The following OPHN1 variants were observed in gnomAD, a reference collection of about 807,000 sequenced individuals.
The protein encoded by OPHN1 is oligophrenin-1.
A neutral mutation model predicts 60.7 loss-of-function variants in OPHN1; 11 were observed. The ratio of observed to expected loss-of-function variants is 0.18; its 90% CI spans 0.11 to 0.30. The LOEUF is 0.30. Ranked by LOEUF, OPHN1 falls within the 10% of genes least tolerant of loss-of-function variation. The pLI is 1.00. For missense variants in OPHN1, 449 were observed against 611.0 expected (o/e 0.73, Z 2.80); for synonymous variants, 226 against 222.6 (o/e 1.02, Z -0.14).
intron 2 of OPHN1, among the ~76,000 whole-genome samples, chrX:68,312,609 A>G (rs999030180): frequency 7.2e-5 from 8 of 111,055 alleles, no homozygotes; most frequent in African/African-American, 2.6e-4. Flanking sequence ...TTACACCTTA[A>G]GAAACTTGAA....
At chrX:68,073,512 C>G (rs1241817772) in intron 19 of OPHN1, among the ~76,000 whole-genome samples, 1 of 111,975 alleles carries the variant, frequency 8.9e-6, no homozygotes, top group African/African-American at 3.3e-5. Context: ...GAACCTGGCA[C>G]TTCTCAGTTT....
rs764379619 is a variant in OPHN1 at position 68,305,576 on chromosome X, A to G, written c.155-6480T>C. Among the ~76,000 whole-genome samples the G allele has an allele frequency of 9.0e-4, 101 of 112,469 alleles. 1 individual carries two copies. The Admixed American group carries it at 9.4e-3, about 10-fold the overall frequency. On this transcript the variant is annotated intron_variant, in intron 2 of 24. Transcript: ENST00000355520. The stretch of plus-strand genomic sequence containing the variant: ...GTTCTGCACAAGCAGGAAGAGAAAC[A>G]TAAGGCATAATGGTCATCTGACTAG...
intron 2 of OPHN1, among the ~76,000 whole-genome samples, chrX:68,337,051 ACT>A (rs1479982860): frequency 3.8e-4 from 42 of 109,869 alleles, no homozygotes; most frequent in African/African-American, 1.4e-3. Flanking sequence ...ACAGAGTGAG[ACT>A]CTGTCCCAAA....
chrX:68,337,790 C>G (rs1677213951), intron 2 of OPHN1, among the ~76,000 whole-genome samples: 1 of 90,826 alleles, frequency 1.1e-5, no homozygotes. Flanking sequence ...AAAATACACT[C>G]CAAACCAAAA....
intron 21 of OPHN1, among the ~76,000 whole-genome samples, chrX:68,055,707 T>C (rs1377825862): frequency 1.8e-5 from 2 of 112,369 alleles, no homozygotes; most frequent in African/African-American, 6.5e-5. Flanking sequence ...CCAACCCAAA[T>C]GTCCATCAAT....
chrX:68,395,583 G>A lies in OPHN1; in HGVS notation c.154+37284C>T, dbSNP rs2078679479. Among the ~76,000 whole-genome samples, 3 of 110,592 alleles carry A rather than the reference G, an allele frequency of 2.7e-5. No individual in the cohort carries two copies. In the South Asian group the frequency reaches 1.2e-3, roughly 43 times the overall value. On this transcript the variant is annotated intron_variant, in intron 2 of 24. Transcript: ENST00000355520. ...CTGCCTCAGCCTCCCAAGTAGCTGG[G>A]ATTACAGGCATGCACCACCACACCT...
intron 10 of OPHN1, among the ~76,000 whole-genome samples, chrX:68,205,581 T>A (rs180688239): frequency 6.3e-5 from 7 of 111,875 alleles, no homozygotes; most frequent in Admixed American, 3.8e-4. Context: ...AATCTTGTGG[T>A]TAAAAGACCA....
intron 4 of OPHN1, among the ~76,000 whole-genome samples, chrX:68,279,101 CTTTTTTTTTTTTTTTTTTT>C (rs984725368): frequency 4.6e-4 from 10 of 21,787 alleles, no homozygotes; most frequent in African/African-American, 1.5e-3. Context: ...CTCCCCCGCT[CTTTTTTTTTTTTTTTTTTT>C]TTTTTTTTTT....
chrX:68,351,879 T>C (rs1325884298), intron 2 of OPHN1, among the ~76,000 whole-genome samples: 3 of 85,634 alleles, frequency 3.5e-5, no homozygotes, highest in South Asian at 6.4e-4. Context: ...TTTTCTTTTT[T>C]TTTTTTTTTT....
chrX:68,100,877 G>C (rs2077055799), intron 18 of OPHN1, among the ~76,000 whole-genome samples: 1 of 110,498 alleles, frequency 9.0e-6, no homozygotes, highest in African/African-American at 3.3e-5. Flanking sequence ...CTCCCGAGTA[G>C]CTGGGACTAC....
At chrX:68,251,388 G>A (rs764238123) in intron 5 of OPHN1, among the ~76,000 whole-genome samples, 3 of 108,787 alleles carry the variant, frequency 2.8e-5, no homozygotes, top group South Asian at 4.1e-4. Context: ...ATTTCACCAT[G>A]TTGGCCAAGA....
intron 12 of OPHN1, among the ~76,000 whole-genome samples, chrX:68,196,353 T>A (rs1044514036): frequency 3.6e-5 from 4 of 111,911 alleles, no homozygotes; most frequent in Admixed American, 9.5e-5. Context: ...TTCCATCTGT[T>A]TTTTCTAAGC....
intron 2 of OPHN1, among the ~76,000 whole-genome samples, chrX:68,328,708 C>CATAGATAAGGATGT (rs2078280326): frequency 9.0e-6 from 1 of 111,019 alleles, no homozygotes; most frequent in Non-Finnish European, 1.9e-5. Context: ...ATAGAAAGGA[C>CATAGATAAGGATGT]TCTTATAAAT....
At chrX:68,266,332 G>A (rs1031507953) in intron 5 of OPHN1, among the ~76,000 whole-genome samples, 9 of 111,710 alleles carry the variant, frequency 8.1e-5, no homozygotes, top group Non-Finnish European at 1.3e-4. Context: ...CTGATCGCTC[G>A]GCAGAAACTC....
intron 11 of OPHN1, among the ~76,000 whole-genome samples, chrX:68,200,959 G>A (rs1377881028): frequency 3.6e-5 from 4 of 112,009 alleles, no homozygotes; most frequent in African/African-American, 1.3e-4. Flanking sequence ...AATGCCAAAT[G>A]CATTCATTTG....
chrX:68,224,381 G>A (rs1411425704), intron 6 of OPHN1, among the ~76,000 whole-genome samples: 1 of 111,382 alleles, frequency 9.0e-6, no homozygotes, highest in Non-Finnish European at 1.9e-5. Flanking sequence ...AGTAAGGCTG[G>A]GCATCATGGC....
chrX:68,208,117 G>A (rs1406595410), intron 9 of OPHN1, among the ~76,000 whole-genome samples: 2 of 104,237 alleles, frequency 1.9e-5, no homozygotes, highest in Admixed American at 2.2e-4. Flanking sequence ...TTGAGACAGA[G>A]TCTCACTCTG....
chrX:68,161,725 A>G (rs1263861802), intron 15 of OPHN1, among the ~76,000 whole-genome samples: 1 of 111,235 alleles, frequency 9.0e-6, no homozygotes, highest in African/African-American at 3.3e-5. Context: ...ACTACTTTAT[A>G]TACCTACCTA....
chrX:68,382,872 C>A (rs891910287), intron 2 of OPHN1, among the ~76,000 whole-genome samples: 3 of 111,656 alleles, frequency 2.7e-5, no homozygotes, highest in Non-Finnish European at 5.6e-5. Context: ...AGAAAAGGGG[C>A]TCTCCCCAAA....
Sources: allele counts gnomAD v4.1 joint callset (sites outside exome capture counted in the v4.1 genomes callset), GRCh38; gene constraint gnomAD v4.1.1; transcripts MANE v1.5; gene names NCBI Gene and HGNC (gene_info 2026-07-23, HGNC 2026-07-21).